Variants in RNFT2 observed in about 807,000 individuals in gnomAD.
RNFT2 encodes the protein ring finger protein, transmembrane 2, also known as E3 ubiquitin-protein ligase RNFT2.
Under a neutral mutation model 53.0 loss-of-function variants are expected in RNFT2, and 36 were observed. The observed-to-expected ratio is 0.68, with a 90% CI of 0.52 to 0.90. RNFT2 has a LOEUF of 0.90. Ranked by LOEUF, RNFT2 falls within the 40% of genes least tolerant of loss-of-function variation. The pLI, the probability that RNFT2 is intolerant of heterozygous loss-of-function variation, is 0.00. For missense variants in RNFT2, 514 were observed against 585.6 expected (o/e 0.88, Z 1.26); for synonymous variants, 260 against 253.2 (o/e 1.03, Z -0.26).
intron 7 of RNFT2, among the ~76,000 whole-genome samples, chr12:116,793,152 A>T (rs992524194): frequency 6.6e-6 from 1 of 151,610 alleles, no homozygotes; most frequent in Non-Finnish European, 1.5e-5. Context: ...CTCAGCCCCA[A>T]AACCATCACA....
chr12:116,835,724 G>A (rs558961788), intron 8 of RNFT2, among the ~76,000 whole-genome samples: 8 of 152,314 alleles, frequency 5.3e-5, no homozygotes, highest in African/African-American at 1.9e-4. Context: ...TAGGCACTAT[G>A]CATGCCATAT....
At chr12:116,803,677 G>A (rs1476791562) in intron 7 of RNFT2, among the ~76,000 whole-genome samples, 3 of 152,188 alleles carry the variant, frequency 2.0e-5, no homozygotes, top group Non-Finnish European at 2.9e-5. Context: ...TTTAGGGATC[G>A]TGGCTTCTTC....
chr12:116,798,506 C>T lies in RNFT2; in HGVS notation c.882+19158C>T, dbSNP rs540054718. 2.3e-4 allele frequency among the ~76,000 whole-genome samples: 35 copies of T among 152,274 alleles called. No individual in the cohort carries two copies. In the East Asian group the frequency reaches 4.6e-3, roughly 20 times the overall value. ...CCTTAGCAAGGTAGTTTGCATCTCT[C>T]GCATTCATTTTCTCATCTGTAAAAT... On this transcript the variant is annotated intron_variant, in intron 7 of 10. Coordinates refer to ENST00000257575, the MANE Select transcript of RNFT2 (RefSeq NM_001382266.1).
At chr12:116,823,623 G>T (rs1876172459) in intron 7 of RNFT2, among the ~76,000 whole-genome samples, 1 of 152,228 alleles carries the variant, frequency 6.6e-6, no homozygotes, top group Non-Finnish European at 1.5e-5. Flanking sequence ...GGCGGTGGTT[G>T]CAGTGAGCCG....
chr12:116,739,808 A>T (rs1871513384), intron 1 of RNFT2, among the ~76,000 whole-genome samples: 1 of 152,254 alleles, frequency 6.6e-6, no homozygotes. Context: ...CTCGGGTTTG[A>T]TTCTGATTGC....
rs1267256425 is a variant in RNFT2, at chr12:116,798,066, C to A, written c.882+18718C>A. Among the ~76,000 whole-genome samples the A allele has an allele frequency of 3.3e-5, 5 of 152,132 alleles. No individual in the cohort carries two copies. In the South Asian group the frequency reaches 8.3e-4, roughly 25 times the overall value. ...TCTGGAGTCAAGTCCCGCCTGCTAC[C>A]TCACTAGGACGGGCCCTGGTCCAAT... On this transcript the variant is annotated intron_variant, in intron 7 of 10. Coordinates refer to ENST00000257575, the MANE Select transcript of RNFT2 (RefSeq NM_001382266.1).
intron 2 of RNFT2, 106 bp from the exon 3 acceptor site, chr12:116,740,930 G>T (rs1176685588): frequency 3.3e-6 from 3 of 920,058 alleles, no homozygotes; most frequent in Non-Finnish European, 5.2e-6. Context: ...AGCACTAGGG[G>T]TCTAAGATAC....
chr12:116,852,695 G>T lies in RNFT2; in HGVS notation c.*3247G>T. On this transcript the variant is annotated 3_prime_UTR_variant, in exon 11 of 11. Transcript: ENST00000257575. Reference sequence around the variant, plus strand: ...GAAATTGGAGCTGGAGAAGATTGATGAAAGTGCAGGTGTGTAAGGAAATAG... The same window carrying T: ...GAAATTGGAGCTGGAGAAGATTGATTAAAGTGCAGGTGTGTAAGGAAATAG... The T allele has an allele frequency of 6.2e-7, 1 of 1,614,026 alleles. No individual in the cohort carries two copies. Among genetic ancestry groups the T allele is most frequent in the South Asian group, 1.1e-5 (1 of 91,090 alleles).
At position 116,820,613 on chromosome 12, in the gene RNFT2, TTCTTTC is replaced by T. The variant is rs533747786; in HGVS notation, c.883-13170_883-13165del. Reference sequence around the variant, plus strand: ...TCTCTACCCCCATAGCTTGTATCTTTTCTTTCTCTTTCTCCCACATCTTACTTTATC... The same window carrying T: ...TCTCTACCCCCATAGCTTGTATCTTTTCTTTCTCCCACATCTTACTTTATC... On this transcript the variant is annotated intron_variant, in intron 7 of 10. Transcript: ENST00000257575. Among the ~76,000 whole-genome samples the T allele has an allele frequency of 5.9e-3, 899 of 152,268 alleles. 3 individuals are homozygous for T. Among genetic ancestry groups the T allele is most frequent in the Non-Finnish European group, 9.0e-3 (612 of 68,020 alleles).
Position 116,749,858 on chromosome 12 carries a change from T to G in RNFT2, c.101T>G (p.Leu34Arg). The G allele has an allele frequency of 6.3e-7, 1 of 1,580,954 alleles. No homozygotes were observed. The highest frequency in any genetic ancestry group is 1.2e-5 in the South Asian group (1 of 86,282). Residue 34 changes from leucine to arginine, a missense_variant, in exon 4 of 11, where the codon CTC (leucine) becomes CGC (arginine). Physicochemically the swap from Leu to Arg is moderately radical, Grantham distance 102. Around this residue, in one of 3 missense-constraint regions of RNFT2, gnomAD observed 237 missense variants for 235.1 expected, o/e 1.01. Transcript: ENST00000257575. The stretch of plus-strand genomic sequence containing the variant: ...GCACCCAGAAACCGCAGCCAGGCGC[T>G]CAGCTCCGAGGCGAGTGTGGATGAA... ...IPPERNRSQA[L>R]SSEASVDEGG...
intron 7 of RNFT2, among the ~76,000 whole-genome samples, chr12:116,814,151 C>T (rs752523858): frequency 6.6e-6 from 1 of 152,166 alleles, no homozygotes; most frequent in Non-Finnish European, 1.5e-5. Context: ...TCACCATGCA[C>T]GTACTACCTG....
chr12:116,791,506 C>T (rs774493788), intron 7 of RNFT2, among the ~76,000 whole-genome samples: 3 of 152,104 alleles, frequency 2.0e-5, no homozygotes, highest in African/African-American at 2.4e-5. Flanking sequence ...GATGGGGTTT[C>T]GCCATGTAGG....
At position 116,832,458 on chromosome 12, in the gene RNFT2, G is replaced by A. The variant is rs113804773; in HGVS notation, c.883-1334G>A. ...TAAATACGCCATCATTTGTTTATCC[G>A]TTCTTCCATTGATGGGCGTCTGGGC... is the stretch of plus-strand genomic sequence containing the variant. On this transcript the variant is annotated intron_variant, in intron 7 of 10. Transcript: ENST00000257575. Among the ~76,000 whole-genome samples the A allele has an allele frequency of 7.9e-3, 1,203 of 152,098 alleles. 11 individuals carry two copies. The highest frequency in any genetic ancestry group is 0.027 in the African/African-American group (1,111 of 41,488).
chr12:116,849,973 A>C lies in RNFT2; in HGVS notation c.*525A>C, dbSNP rs1483415499. The C allele has an allele frequency of 6.6e-6, 1 of 150,958 alleles. No individual in the cohort carries two copies. Among genetic ancestry groups the C allele is most frequent in the Non-Finnish European group, 1.5e-5 (1 of 68,804 alleles). The allele number at this position is 150,958 out of a possible 1,614,324, so 9.4% of individuals were successfully genotyped here. A position where few individuals can be genotyped will look rare whatever the true frequency, so the allele number is the denominator to read the frequency against. On this transcript the variant is annotated 3_prime_UTR_variant, in exon 11 of 11. Coordinates refer to ENST00000257575, the MANE Select transcript of RNFT2 (RefSeq NM_001382266.1). ...ATTCTCCTGCCTCAGCCTCCCGAGT[A>C]GCTGGGATTACAGGCACCCACCAAC...
rs1876959609 is a variant in RNFT2 at position 116,836,205 on chromosome 12, C to T, written c.1123C>T (p.Gln375Ter). 6.3e-7 allele frequency: 1 copy of T among 1,595,126 alleles called. No homozygotes were observed. Among genetic ancestry groups the T allele is most frequent in the Non-Finnish European group, 8.5e-7 (1 of 1,170,918 alleles). The change falls in exon 10 of 11, where the codon CAG (glutamine) becomes TAG (stop). Residue 375 changes from glutamine to a stop codon, truncating the protein, a stop_gained. Coordinates refer to ENST00000257575, the MANE Select transcript of RNFT2 (RefSeq NM_001382266.1). LOFTEE classifies it high-confidence loss of function. ...GAACTATGGAGTCCGAGCCACCGGG[C>T]AGCAGTGCACAGAAGCTGGTGACAT... Reference protein sequence around the residue: ...SQNYGVRATGQQCTEAGDICA... With the variant: ...SQNYGVRATG
chr12:116,770,873 C>T (rs1873144860), intron 6 of RNFT2, among the ~76,000 whole-genome samples: 1 of 151,880 alleles, frequency 6.6e-6, no homozygotes, highest in Non-Finnish European at 1.5e-5. Flanking sequence ...TTCATTCATT[C>T]ATTCTTTCAT....
chr12:116,749,717 T>A lies in RNFT2; in HGVS notation c.84-124T>A, dbSNP rs573905465. 20 of 840,546 alleles carry A rather than the reference T, an allele frequency of 2.4e-5. No individual in the cohort carries two copies. In the South Asian group the frequency reaches 3.3e-4, roughly 14 times the overall value. The allele number at this position is 840,546 out of a possible 1,614,324, so 52.1% of individuals were successfully genotyped here. A position where few individuals can be genotyped will look rare whatever the true frequency, so the allele number is the denominator to read the frequency against. On this transcript the variant is annotated intron_variant, in intron 3 of 10. Coordinates refer to ENST00000257575, the MANE Select transcript of RNFT2 (RefSeq NM_001382266.1). ...AGGTCCTGGGAGGAAGGACTTCATGTGAATTTGAGGGGGACACAGCTCAAC... is the reference window on the plus strand; with the variant it reads ...AGGTCCTGGGAGGAAGGACTTCATGAGAATTTGAGGGGGACACAGCTCAAC...
intron 6 of RNFT2, among the ~76,000 whole-genome samples, chr12:116,771,934 A>G (rs906931137): frequency 6.6e-6 from 1 of 152,216 alleles, no homozygotes; most frequent in Non-Finnish European, 1.5e-5. Flanking sequence ...ACTCACTCCC[A>G]TGAACATCTC....
At chr12:116,738,481 A>C (rs576913026) in intron 1 of RNFT2, 111 bp downstream of exon 1, 31 of 152,258 alleles carry the variant, frequency 2.0e-4, no homozygotes, top group African/African-American at 7.5e-4. Context: ...AGGGATGAAA[A>C]GCGCTCGCGA....
Sources: allele counts gnomAD v4.1 joint callset (sites outside exome capture counted in the v4.1 genomes callset), GRCh38; gene constraint gnomAD v4.1.1; regional missense constraint gnomAD v4.1.1; transcripts MANE v1.5; gene names NCBI Gene and HGNC (gene_info 2026-07-23, HGNC 2026-07-21).